The following HYCC2 variants were observed in gnomAD, a reference collection of about 807,000 sequenced individuals.
The protein encoded by HYCC2 is hyccin PI4KA lipid kinase complex subunit 2.
At chr2:201,030,595 T>C in the HYCC2 span, among the ~76,000 whole-genome samples, 1 of 151,966 alleles carries the variant, frequency 6.6e-6, no homozygotes, top group Admixed American at 6.6e-5. Context: ...TTTTTTTTTT[T>C]TGAGTTGGAG....
At chr2:201,038,404 A>G in the HYCC2 span, among the ~76,000 whole-genome samples, 3 of 152,192 alleles carry the variant, frequency 2.0e-5, no homozygotes, top group African/African-American at 7.2e-5. Context: ...TATATACCCA[A>G]AGGAATATAA....
chr2:201,002,873 T>A, the HYCC2 span, among the ~76,000 whole-genome samples: 3 of 152,190 alleles, frequency 2.0e-5, no homozygotes, highest in Non-Finnish European at 4.4e-5. Flanking sequence ...ATCCTATAGA[T>A]ACTTTTCGTG....
chr2:201,026,574 C>T, the HYCC2 span, among the ~76,000 whole-genome samples: 4,331 of 152,272 alleles, frequency 0.028, 217 homozygotes, highest in African/African-American at 0.099. Flanking sequence ...GTAAAGCTCT[C>T]CTCAGCAAAT....
the HYCC2 span, chr2:201,063,145 A>T: frequency 1.9e-6 from 3 of 1,610,448 alleles, no homozygotes; most frequent in African/African-American, 4.0e-5. Flanking sequence ...TCTTCATTGG[A>T]GGGTTGAGCT....
the HYCC2 span, among the ~76,000 whole-genome samples, chr2:201,069,910 T>C: frequency 2.0e-5 from 3 of 152,128 alleles, no homozygotes; most frequent in African/African-American, 4.8e-5. Flanking sequence ...TTACCATTAA[T>C]AGAAAAAAAT....
chr2:201,052,670 G>A, the HYCC2 span, among the ~76,000 whole-genome samples: 1 of 152,200 alleles, frequency 6.6e-6, no homozygotes, highest in Non-Finnish European at 1.5e-5. Flanking sequence ...ACTGGGCACA[G>A]ACAGTAAAGA....
the HYCC2 span, among the ~76,000 whole-genome samples, chr2:201,024,464 G>A: frequency 1.3e-5 from 2 of 151,708 alleles, no homozygotes; most frequent in African/African-American, 4.8e-5. Context: ...ATTCTGGCCT[G>A]GGCGACAGAG....
chr2:201,009,018 T>C, the HYCC2 span: 1 of 1,613,968 alleles, frequency 6.2e-7, no homozygotes, highest in Non-Finnish European at 8.5e-7. Flanking sequence ...AAGATCACTA[T>C]AAACAACTCT....
At chr2:201,009,364 A>C in the HYCC2 span, 1 of 260,676 alleles carries the variant, frequency 3.8e-6, no homozygotes, top group Non-Finnish European at 7.5e-6. Flanking sequence ...TGCTGAAAAA[A>C]CTAAAGGTTA....
At chr2:201,064,043 A>G in the HYCC2 span, 1 of 1,592,704 alleles carries the variant, frequency 6.3e-7, no homozygotes, top group Admixed American at 1.7e-5. Flanking sequence ...CAGTGGCAGA[A>G]GATTTTAATT....
the HYCC2 span, among the ~76,000 whole-genome samples, chr2:201,033,642 G>A: frequency 2.0e-5 from 3 of 151,920 alleles, no homozygotes; most frequent in African/African-American, 4.8e-5. Context: ...CTGACCTCGT[G>A]ATCTGCCCGC....
chr2:201,011,352 A>G, the HYCC2 span: 1 of 1,173,752 alleles, frequency 8.5e-7, no homozygotes, highest in Middle Eastern at 2.2e-4. Flanking sequence ...TTGTTACTCA[A>G]TATAATTTAA....
the HYCC2 span, among the ~76,000 whole-genome samples, chr2:201,049,413 G>A: frequency 1.8e-4 from 28 of 151,698 alleles, no homozygotes; most frequent in South Asian, 6.2e-4. Context: ...GCACTGGCGC[G>A]ATCTTGGCTC....
chr2:201,066,133 A>G, the HYCC2 span, among the ~76,000 whole-genome samples: 4 of 151,112 alleles, frequency 2.6e-5, no homozygotes, highest in Non-Finnish European at 5.9e-5. Context: ...GCTGGAGTGC[A>G]CACAATCTTG....
chr2:201,014,198 TTACAC>T, the HYCC2 span, among the ~76,000 whole-genome samples: 1 of 152,220 alleles, frequency 6.6e-6, no homozygotes, highest in Non-Finnish European at 1.5e-5. Flanking sequence ...TTGAATTTTA[TTACAC>T]TAAACACATT....
At chr2:200,996,346 C>T in the HYCC2 span, 5 of 152,112 alleles carry the variant, frequency 3.3e-5, no homozygotes, top group Non-Finnish European at 5.9e-5. Flanking sequence ...AGAAATTTAA[C>T]GCCAGGTGTG....
chr2:201,012,471 A>C, the HYCC2 span, among the ~76,000 whole-genome samples: 1 of 152,126 alleles, frequency 6.6e-6, no homozygotes, highest in Non-Finnish European at 1.5e-5. Flanking sequence ...AAAACAAACA[A>C]ACAAACAAAA....
the HYCC2 span, chr2:200,978,158 T>C: frequency 1.3e-5 from 2 of 152,168 alleles, no homozygotes; most frequent in Non-Finnish European, 2.9e-5. Flanking sequence ...ACAAAACTAT[T>C]TTAAATTAAA....
At chr2:201,060,391 CAGA>C in the HYCC2 span, among the ~76,000 whole-genome samples, 2 of 152,162 alleles carry the variant, frequency 1.3e-5, no homozygotes, top group African/African-American at 4.8e-5. Flanking sequence ...TCAATGAGAT[CAGA>C]AGAAGTGTTG....
Sources: gnomAD v4.1 joint callset for allele counts (sites outside exome capture counted in the v4.1 genomes callset) on GRCh38, gnomAD v4.1.1 for gene constraint, MANE v1.5 for transcripts, NCBI Gene and HGNC (gene_info 2026-07-23, HGNC 2026-07-21) for gene names.